Variants in FHIT observed in about 807,000 individuals in gnomAD.
FHIT encodes fragile histidine triad diadenosine triphosphatase.
Under a neutral mutation model 17.9 loss-of-function variants are expected in FHIT, and 19 were observed. The observed-to-expected ratio is 1.06, with a 90% CI of 0.74 to 1.56. The LOEUF (loss-of-function observed/expected upper bound fraction) is 1.56. Ranked by LOEUF, FHIT falls within the 40% of genes most tolerant of loss-of-function variation. The probability of loss-of-function intolerance (pLI) is 0.00; values close to 1 mark genes in which losing one functional copy is unlikely to be tolerated. For synonymous variants in FHIT, 81 were observed against 69.7 expected, an observed-to-expected ratio of 1.16 and a Z score of -0.81; for missense variants, 248 against 189.2, an observed-to-expected ratio of 1.31 and a Z score of -1.82.
At chr3:60,831,867 C>A (rs1702342444) in intron 3 of FHIT, among the ~76,000 whole-genome samples, 1 of 152,006 alleles carries the variant, frequency 6.6e-6, no homozygotes. Context: ...CTAGGATGAT[C>A]TAAAAGGCTT....
chr3:60,368,870 A>T (rs1462524346), intron 5 of FHIT, among the ~76,000 whole-genome samples: 1 of 152,060 alleles, frequency 6.6e-6, no homozygotes, highest in Non-Finnish European at 1.5e-5. Flanking sequence ...TCCTGTTTAG[A>T]TAATTTCTAT....
At chr3:60,145,081 T>C (rs1344303921) in intron 5 of FHIT, among the ~76,000 whole-genome samples, 1 of 152,182 alleles carries the variant, frequency 6.6e-6, no homozygotes, top group East Asian at 1.9e-4. Flanking sequence ...TCCCTCAGTA[T>C]TCCCCTTCAA....
At chr3:61,094,565 T>G (rs772660055) in intron 2 of FHIT, among the ~76,000 whole-genome samples, 3 of 152,184 alleles carry the variant, frequency 2.0e-5, no homozygotes, top group Non-Finnish European at 4.4e-5. Flanking sequence ...AGTACTATGT[T>G]TCTCCTACAC....
chr3:61,187,708 G>C lies in FHIT; in HGVS notation c.-164+12909C>G, dbSNP rs143176784. Among the ~76,000 whole-genome samples the C allele has an allele frequency of 3.7e-3, 570 of 152,226 alleles. 1 individual carries two copies. The highest frequency in any genetic ancestry group is 0.013 in the African/African-American group (545 of 41,538). On this transcript the variant is annotated intron_variant, in intron 2 of 9. Coordinates refer to ENST00000492590, the MANE Select transcript of FHIT (RefSeq NM_002012.4). ...AAAGCTCTCCTCAGCAAATGTAAAA[G>C]AACAGAAATTAGAAGAAACTGTCTC...
intron 5 of FHIT, among the ~76,000 whole-genome samples, chr3:60,515,541 A>G (rs1209010919): frequency 6.6e-6 from 1 of 151,638 alleles, no homozygotes; most frequent in African/African-American, 2.4e-5. Context: ...TCTGCTTTGA[A>G]AAACAAGCTA....
chr3:60,877,489 C>G (rs565690763), intron 3 of FHIT, among the ~76,000 whole-genome samples: 2 of 152,344 alleles, frequency 1.3e-5, no homozygotes, highest in East Asian at 3.9e-4. Context: ...TCCGCTGCAA[C>G]TGTACACTGC....
chr3:60,065,613 G>A (rs374918885), intron 5 of FHIT, among the ~76,000 whole-genome samples: 2 of 152,306 alleles, frequency 1.3e-5, no homozygotes, highest in Admixed American at 6.5e-5. Flanking sequence ...CAGCAAGAAA[G>A]TGAGACCTAA....
intron 8 of FHIT, among the ~76,000 whole-genome samples, chr3:59,768,883 C>T (rs1166222243): frequency 1.3e-5 from 2 of 151,882 alleles, no homozygotes; most frequent in Admixed American, 1.3e-4. Context: ...TTCTCTGTGG[C>T]CTTCGCCAAT....
chr3:60,220,503 T>C (rs1374635145), intron 5 of FHIT, among the ~76,000 whole-genome samples: 2 of 152,212 alleles, frequency 1.3e-5, no homozygotes, highest in East Asian at 3.8e-4. Context: ...TGTTTCAACT[T>C]TTATTTTAAA....
At chr3:60,421,363 G>A (rs1000051622) in intron 5 of FHIT, among the ~76,000 whole-genome samples, 7 of 151,928 alleles carry the variant, frequency 4.6e-5, no homozygotes, top group Non-Finnish European at 7.4e-5. Context: ...CATGTTTATC[G>A]ATTGAAATTT....
At chr3:61,178,990 T>C (rs2038240458) in intron 2 of FHIT, among the ~76,000 whole-genome samples, 1 of 150,018 alleles carries the variant, frequency 6.7e-6, no homozygotes, top group South Asian at 2.1e-4. Flanking sequence ...CAAGCCTACA[T>C]TATTTCTTTT....
chr3:60,806,976 C>G (rs1376387080), intron 4 of FHIT, among the ~76,000 whole-genome samples: 1 of 152,168 alleles, frequency 6.6e-6, no homozygotes, highest in Non-Finnish European at 1.5e-5. Context: ...CACACCTCCA[C>G]CATGACTTAC....
At chr3:59,953,187 C>G (rs1707209041) in intron 7 of FHIT, among the ~76,000 whole-genome samples, 1 of 151,842 alleles carries the variant, frequency 6.6e-6, no homozygotes, top group African/African-American at 2.4e-5. Context: ...TCTATCTCTT[C>G]TTGTCTTTCT....
Position 60,393,872 on chromosome 3 carries a change from C to T in FHIT, c.103+142988G>A, listed in dbSNP as rs760585770. ...TCACTCCAGTAAGTTCTCTGTCTGG[C>T]TCCTGTGGGCCTCTGCATTTGCCAC... On this transcript the variant is annotated intron_variant, in intron 5 of 9. Coordinates refer to ENST00000492590, the MANE Select transcript of FHIT (RefSeq NM_002012.4). Among the ~76,000 whole-genome samples, 27 of 152,286 alleles carry T rather than the reference C, an allele frequency of 1.8e-4. 1 individual carries two copies. Among genetic ancestry groups the T allele is most frequent in the Non-Finnish European group, 2.5e-4 (17 of 68,020 alleles).
intron 7 of FHIT, among the ~76,000 whole-genome samples, chr3:60,006,933 C>T (rs810616): frequency 0.34 from 52,370 of 151,946 alleles, 10,382 homozygotes; most frequent in African/African-American, 0.55. Flanking sequence ...TATACTTCTA[C>T]AAATAATTAT....
chr3:59,833,342 G>A (rs1362714553), intron 8 of FHIT, among the ~76,000 whole-genome samples: 1 of 152,172 alleles, frequency 6.6e-6, no homozygotes, highest in Non-Finnish European at 1.5e-5. Context: ...CTTATAAGAA[G>A]ACAGCCACAT....
rs72023729 is a variant in FHIT, at chr3:61,219,327, A to ATGTGTGTGTGTGTG, written c.-212-18676_-212-18663dup. On this transcript the variant is annotated intron_variant, in intron 1 of 9. Transcript: ENST00000492590. ...TGTACATCTTTGTGTAAATCTAAAAATGTGTGTGTGTGTGTGTGTGTGTGT... is the reference window on the plus strand; with the variant it reads ...TGTACATCTTTGTGTAAATCTAAAAATGTGTGTGTGTGTGTGTGTGTGTGTGTGTGTGTGTGTGT... Among the ~76,000 whole-genome samples, 181 of 146,990 alleles carry ATGTGTGTGTGTGTG rather than the reference A, an allele frequency of 1.2e-3. 2 individuals are homozygous for ATGTGTGTGTGTGTG. Among genetic ancestry groups the ATGTGTGTGTGTGTG allele is most frequent in the Admixed American group, 9.8e-3 (143 of 14,658 alleles).
intron 7 of FHIT, among the ~76,000 whole-genome samples, chr3:59,970,140 G>A (rs113496559): frequency 6.6e-6 from 1 of 152,120 alleles, no homozygotes; most frequent in Non-Finnish European, 1.5e-5. Context: ...AAGACAAAAA[G>A]GATGGTCTTT....
At chr3:59,878,604 A>G (rs896658878) in intron 8 of FHIT, among the ~76,000 whole-genome samples, 1 of 152,206 alleles carries the variant, frequency 6.6e-6, no homozygotes, top group Non-Finnish European at 1.5e-5. Flanking sequence ...AGGAGCTTTC[A>G]AAAGTGCTCT....
Sources: gnomAD v4.1 joint callset for allele counts (sites outside exome capture counted in the v4.1 genomes callset) on GRCh38, gnomAD v4.1.1 for gene constraint, MANE v1.5 for transcripts, NCBI Gene and HGNC (gene_info 2026-07-23, HGNC 2026-07-21) for gene names.